MYO9A: variants seen among roughly 807,000 people sequenced by gnomAD.
MYO9A encodes unconventional myosin-IXa.
Under a neutral mutation model 293.3 loss-of-function variants are expected in MYO9A, and 103 were observed. The ratio of observed to expected loss-of-function variants is 0.35; its 90% CI spans 0.30 to 0.41. The LOEUF is 0.41. MYO9A is among the 10% of genes least tolerant of loss of function. The pLI, the probability that MYO9A is intolerant of heterozygous loss-of-function variation, is 1.00. For synonymous variants in MYO9A, 1,001 were observed against 1,035.7 expected (o/e 0.97, Z 0.64); for missense variants, 2,685 against 3,033.0 (o/e 0.89, Z 2.69).
intron 39 of MYO9A, among the ~76,000 whole-genome samples, chr15:71,835,554 T>A (rs940641700): frequency 2.0e-5 from 3 of 152,140 alleles, no homozygotes; most frequent in Admixed American, 6.5e-5. Flanking sequence ...AAATACCTAG[T>A]AGTAATTCAA....
intron 18 of MYO9A, among the ~76,000 whole-genome samples, chr15:71,929,449 T>C (rs143731762): frequency 1.5e-3 from 226 of 152,300 alleles, no homozygotes; most frequent in African/African-American, 4.8e-3. Context: ...CGCCTAATTA[T>C]ATTGAGGAAC....
chr15:72,055,841 GA>G (rs2078704353), intron 1 of MYO9A, among the ~76,000 whole-genome samples: 2 of 152,058 alleles, frequency 1.3e-5, no homozygotes, highest in Non-Finnish European at 2.9e-5. Flanking sequence ...GGTGAAAAGA[GA>G]ACACACTTTG....
intron 1 of MYO9A, among the ~76,000 whole-genome samples, chr15:72,049,887 T>G (rs1485498565): frequency 6.6e-6 from 1 of 152,214 alleles, no homozygotes; most frequent in South Asian, 2.1e-4. Flanking sequence ...ACCACTGTAC[T>G]AAGTAACTAC....
chr15:71,936,178 CAT>C (rs1446877903), intron 16 of MYO9A, among the ~76,000 whole-genome samples: 1 of 151,980 alleles, frequency 6.6e-6, no homozygotes, highest in African/African-American at 2.4e-5. Flanking sequence ...CATGGACAAA[CAT>C]AGAGTACATT....
In MYO9A at chr15:71,824,064, C is replaced by G. The variant is rs952852346; in HGVS notation, c.*2516G>C. 11 of 152,190 alleles carry G rather than the reference C, an allele frequency of 7.2e-5. No individual in the cohort carries two copies. The highest frequency in any genetic ancestry group is 3.9e-4 in the East Asian group (2 of 5,194). 9.4% of individuals were successfully genotyped at this position (152,190 alleles called of 1,614,324 possible). ...AAGGCCTACTACCCTATGTAAACAACGGCTTTCCCTCAAAGGGAGGGCCCC... is the reference window on the plus strand; with the variant it reads ...AAGGCCTACTACCCTATGTAAACAAGGGCTTTCCCTCAAAGGGAGGGCCCC... On this transcript the variant is annotated 3_prime_UTR_variant, in exon 42 of 42. Transcript: ENST00000356056.
chr15:71,994,097 C>T (rs998408677), intron 10 of MYO9A, among the ~76,000 whole-genome samples: 1 of 151,828 alleles, frequency 6.6e-6, no homozygotes, highest in Non-Finnish European at 1.5e-5. Context: ...ATTTATGGTA[C>T]ACATCTTACT....
chr15:72,061,498 A>G (rs2078877510), intron 1 of MYO9A, among the ~76,000 whole-genome samples: 1 of 151,046 alleles, frequency 6.6e-6, no homozygotes, highest in African/African-American at 2.4e-5. Flanking sequence ...GATTCACCAC[A>G]AGCTGGCTCA....
At chr15:72,045,633 G>C in intron 2 of MYO9A, 91 bp downstream of exon 2, 1 of 1,344,476 alleles carries the variant, frequency 7.4e-7, no homozygotes. Flanking sequence ...CATCGACCTG[G>C]TATTGCAGTA....
chr15:71,841,119 T>C (rs2055143090), intron 39 of MYO9A, among the ~76,000 whole-genome samples: 1 of 152,226 alleles, frequency 6.6e-6, no homozygotes, highest in Non-Finnish European at 1.5e-5. Context: ...TGAATTCTCT[T>C]ATCATCTTTA....
chr15:72,032,521 T>G lies in MYO9A; in HGVS notation c.908A>C (p.Asn303Thr). 2 of 1,607,760 alleles carry G rather than the reference T, an allele frequency of 1.2e-6. No individual in the cohort carries two copies. Among genetic ancestry groups the G allele is most frequent in the Non-Finnish European group, 1.7e-6 (2 of 1,177,238 alleles). The change falls in exon 3 of 42, where the codon AAT (asparagine) becomes ACT (threonine). Residue 303 changes from asparagine to threonine, a missense_variant. This residue lies in a region of MYO9A where 289 missense variants were observed against 456.8 expected (regional missense o/e 0.63). Coordinates refer to ENST00000356056, the MANE Select transcript of MYO9A (RefSeq NM_006901.4). ...AAGTACAGTGCCTGTTTCCTGGTAA[T>G]TTACTTGAATAAACTTCCCAAAACG... ...SSRFGKFIQV[N>T]YQETGTVLGA...
intron 2 of MYO9A, chr15:72,036,652 A>C (rs1313237028): frequency 6.6e-6 from 1 of 151,966 alleles, no homozygotes; most frequent in African/African-American, 2.4e-5. Flanking sequence ...TCACAATTTG[A>C]CTTATCTGGC....
intron 11 of MYO9A, among the ~76,000 whole-genome samples, chr15:71,980,493 T>C (rs1415182837): frequency 6.6e-6 from 1 of 152,178 alleles, no homozygotes; most frequent in Non-Finnish European, 1.5e-5. Flanking sequence ...TTTTCCTATG[T>C]TTACTGCTCA....
intron 1 of MYO9A, among the ~76,000 whole-genome samples, chr15:72,085,387 C>A (rs2079686135): frequency 6.8e-6 from 1 of 147,290 alleles, no homozygotes; most frequent in African/African-American, 2.5e-5. Flanking sequence ...GTGAGAGAGT[C>A]TGTCTCAAAA....
intron 35 of MYO9A, 83 bp downstream of exon 35, chr15:71,854,294 G>C: frequency 9.2e-7 from 1 of 1,081,998 alleles, no homozygotes; most frequent in Non-Finnish European, 1.3e-6. Flanking sequence ...GTAAAGGATT[G>C]ACATGTAATG....
intron 6 of MYO9A, among the ~76,000 whole-genome samples, chr15:72,016,860 A>C (rs969623366): frequency 2.0e-5 from 3 of 152,166 alleles, no homozygotes; most frequent in Non-Finnish European, 4.4e-5. Context: ...CTATGCACTT[A>C]CTAAGGATTA....
chr15:71,920,356 A>G (rs2058124473), intron 18 of MYO9A, among the ~76,000 whole-genome samples: 1 of 152,142 alleles, frequency 6.6e-6, no homozygotes, highest in Non-Finnish European at 1.5e-5. Context: ...CTGGTGTGAT[A>G]GTATTAAGAG....
chr15:72,046,472 T>G lies in MYO9A; in HGVS notation c.92A>C (p.Tyr31Ser). ...YPGAISEGTI[Y>S]CPIPARKNST... Reference sequence around the variant, plus strand: ...GTTTTTTCTGGCAGGAATCGGACAGTAGATTGTCCCTTCTGAAATAGCCCC... The same window carrying G: ...GTTTTTTCTGGCAGGAATCGGACAGGAGATTGTCCCTTCTGAAATAGCCCC... Residue 31 changes from tyrosine to serine, a missense_variant, in exon 2 of 42, where the codon TAC becomes TCC. Transcript: ENST00000356056. 1 of 1,614,180 alleles carries G rather than the reference T, an allele frequency of 6.2e-7. No homozygotes were observed. The highest frequency in any genetic ancestry group is 8.5e-7 in the Non-Finnish European group (1 of 1,180,030).
intron 26 of MYO9A, among the ~76,000 whole-genome samples, chr15:71,889,074 G>A (rs1287084713): frequency 6.6e-6 from 1 of 152,148 alleles, no homozygotes; most frequent in Admixed American, 6.6e-5. Context: ...ACTCTAAGTG[G>A]AACACATGAA....
intron 14 of MYO9A, among the ~76,000 whole-genome samples, chr15:71,956,264 A>G (rs1265867368): frequency 1.4e-5 from 2 of 145,734 alleles, no homozygotes; most frequent in Non-Finnish European, 3.0e-5. Context: ...GAACTGTGAT[A>G]GCACCACTGC....
Sources: allele counts gnomAD v4.1 joint callset (sites outside exome capture counted in the v4.1 genomes callset), GRCh38; gene constraint gnomAD v4.1.1; regional missense constraint gnomAD v4.1.1; transcripts MANE v1.5; gene names NCBI Gene and HGNC (gene_info 2026-07-23, HGNC 2026-07-21).